The following TMEM117 variants were observed in gnomAD, a reference collection of about 807,000 sequenced individuals.
TMEM117 encodes the protein transmembrane protein 117.
A neutral mutation model predicts 52.4 loss-of-function variants in TMEM117; 27 were observed. The observed-to-expected ratio is 0.51, with a 90% CI of 0.38 to 0.71. TMEM117 has a LOEUF of 0.71. TMEM117 is among the 30% of genes least tolerant of loss of function. The pLI, the probability that TMEM117 is intolerant of heterozygous loss-of-function variation, is 0.00. For synonymous variants in TMEM117, 215 were observed against 206.3 expected (o/e 1.04, Z -0.36); for missense variants, 556 against 630.5 (o/e 0.88, Z 1.26).
intron 3 of TMEM117, among the ~76,000 whole-genome samples, chr12:44,071,038 A>G (rs1220533467): frequency 1.3e-5 from 2 of 152,212 alleles, no homozygotes; most frequent in Non-Finnish European, 2.9e-5. Flanking sequence ...AAAACATTTT[A>G]AATGCACCAG....
At position 43,844,830 on chromosome 12, in the gene TMEM117, G is replaced by C. The variant is rs1240163022; in HGVS notation, c.179G>C (p.Arg60Thr). 2 of 1,614,056 alleles carry C rather than the reference G, an allele frequency of 1.2e-6. No homozygotes were observed. The highest frequency in any genetic ancestry group is 1.7e-6 in the Non-Finnish European group (2 of 1,180,030). ...TCATTTGTTACAAATAAATACCCTA[G>C]AGGAGTTGGCTGGAGGATTTTGAAG... ...CFSFVTNKYP[R>T]GVGWRILKVL... is the part of the protein sequence containing the mutation. Residue 60 changes from arginine (R) to threonine (T), a missense_variant, in exon 2 of 8, where the codon AGA becomes ACA. Physicochemically the swap from Arg to Thr is moderately conservative, Grantham distance 71. This residue lies in a region of TMEM117 where 328 missense variants were observed against 371.4 expected (regional missense o/e 0.88). Transcript: ENST00000266534.
intron 2 of TMEM117, among the ~76,000 whole-genome samples, chr12:43,918,010 A>G (rs1272216112): frequency 6.6e-6 from 1 of 152,168 alleles, no homozygotes; most frequent in Admixed American, 6.5e-5. Context: ...ATTATCTGGT[A>G]GATAGGGAAA....
intron 4 of TMEM117, among the ~76,000 whole-genome samples, chr12:44,209,981 T>G (rs1160008638): frequency 2.6e-5 from 4 of 152,104 alleles, no homozygotes; most frequent in African/African-American, 9.7e-5. Flanking sequence ...ATCACAATCT[T>G]TCATCATAAA....
intron 3 of TMEM117, among the ~76,000 whole-genome samples, chr12:44,122,291 G>C (rs567073045): frequency 6.6e-6 from 1 of 152,026 alleles, no homozygotes; most frequent in East Asian, 1.9e-4. Flanking sequence ...TGATCTGCCT[G>C]CCTCGGCCTC....
intron 2 of TMEM117, among the ~76,000 whole-genome samples, chr12:43,871,770 A>G (rs1290019632): frequency 6.6e-6 from 1 of 152,202 alleles, no homozygotes; most frequent in Non-Finnish European, 1.5e-5. Flanking sequence ...GAGTATTTGG[A>G]AGTATTTTTC....
At chr12:44,075,649 TTAATC>T (rs751217315) in intron 3 of TMEM117, among the ~76,000 whole-genome samples, 72 of 152,288 alleles carry the variant, frequency 4.7e-4, no homozygotes, top group Non-Finnish European at 7.6e-4. Context: ...GGCAGTGAGT[TTAATC>T]TAAGCTAATT....
intron 3 of TMEM117, among the ~76,000 whole-genome samples, chr12:44,027,643 G>A (rs920070280): frequency 6.6e-6 from 1 of 152,174 alleles, no homozygotes; most frequent in African/African-American, 2.4e-5. Flanking sequence ...TGCATTACAT[G>A]AAGAGGCACA....
intron 6 of TMEM117, among the ~76,000 whole-genome samples, chr12:44,322,968 A>G (rs540869144): frequency 6.6e-6 from 1 of 152,288 alleles, no homozygotes; most frequent in African/African-American, 2.4e-5. Context: ...AAATTTCCTT[A>G]TCCAGGAGGG....
chr12:44,290,655 A>C (rs1026866296), intron 5 of TMEM117, among the ~76,000 whole-genome samples: 1 of 152,050 alleles, frequency 6.6e-6, no homozygotes, highest in African/African-American at 2.4e-5. Flanking sequence ...TTATTTTTTA[A>C]GGACAAGTGT....
chr12:43,919,302 C>A (rs1944654894), intron 2 of TMEM117, among the ~76,000 whole-genome samples: 1 of 152,092 alleles, frequency 6.6e-6, no homozygotes, highest in African/African-American at 2.4e-5. Flanking sequence ...TCTCTATTTC[C>A]CCGTCCAGAA....
In TMEM117 at chr12:43,963,633, C is replaced by T. The variant is rs541518605; in HGVS notation, c.410+19291C>T. Among the ~76,000 whole-genome samples, 145 of 152,320 alleles carry T rather than the reference C, an allele frequency of 9.5e-4. 1 individual carries two copies. The highest frequency in any genetic ancestry group is 3.0e-3 in the African/African-American group (126 of 41,566). On this transcript the variant is annotated intron_variant, in intron 3 of 7. Coordinates refer to ENST00000266534, the MANE Select transcript of TMEM117 (RefSeq NM_032256.3). ...TGGTTCAAGAAGTAGGACATTGACA[C>T]ATTTTGTCATAGCCATACAATGAGT...
chr12:44,312,400 C>T (rs1951001782), intron 6 of TMEM117, among the ~76,000 whole-genome samples: 1 of 151,984 alleles, frequency 6.6e-6, no homozygotes, highest in South Asian at 2.1e-4. Flanking sequence ...CTTAGGATGA[C>T]GGCCTTCAGA....
At chr12:44,242,914 C>T (rs1354717548) in intron 5 of TMEM117, among the ~76,000 whole-genome samples, 3 of 151,626 alleles carry the variant, frequency 2.0e-5, no homozygotes, top group South Asian at 4.2e-4. Context: ...TGTGCAACCT[C>T]GTGAGCACGT....
intron 2 of TMEM117, among the ~76,000 whole-genome samples, chr12:43,904,932 T>A (rs921456552): frequency 9.2e-5 from 14 of 152,172 alleles, no homozygotes; most frequent in African/African-American, 3.4e-4. Context: ...TCACCTGAGG[T>A]CGGGAGTTCG....
chr12:44,226,372 T>C (rs1439095178), intron 5 of TMEM117, among the ~76,000 whole-genome samples: 1 of 152,170 alleles, frequency 6.6e-6, no homozygotes, highest in African/African-American at 2.4e-5. Context: ...ATAGAATTAA[T>C]TATTTCTTTT....
At chr12:43,900,839 G>C (rs1325835373) in intron 2 of TMEM117, among the ~76,000 whole-genome samples, 1 of 151,636 alleles carries the variant, frequency 6.6e-6, no homozygotes, top group Non-Finnish European at 1.5e-5. Flanking sequence ...GAGAGAGAGA[G>C]GAAGGAAGAA....
chr12:43,826,355 C>T, the TMEM117 span, among the ~76,000 whole-genome samples: 1 of 152,222 alleles, frequency 6.6e-6, no homozygotes, highest in African/African-American at 2.4e-5. Flanking sequence ...ACTGAATTCT[C>T]TGTCCAAGTT....
At chr12:44,237,956 A>T (rs2138471963) in intron 5 of TMEM117, among the ~76,000 whole-genome samples, 1 of 152,310 alleles carries the variant, frequency 6.6e-6, no homozygotes, top group East Asian at 1.9e-4. Context: ...TCAATAAAAC[A>T]GTTATATCTG....
At chr12:44,091,685 A>G (rs912940186) in intron 3 of TMEM117, among the ~76,000 whole-genome samples, 4 of 152,236 alleles carry the variant, frequency 2.6e-5, no homozygotes, top group African/African-American at 9.6e-5. Flanking sequence ...AACAGAGGGC[A>G]GAATACAATC....
Sources: gnomAD v4.1 joint callset for allele counts (sites outside exome capture counted in the v4.1 genomes callset) on GRCh38, gnomAD v4.1.1 for gene constraint, gnomAD v4.1.1 regional missense constraint, MANE v1.5 for transcripts, NCBI Gene and HGNC (gene_info 2026-07-23, HGNC 2026-07-21) for gene names.